Variants in ERCC6 observed in about 807,000 individuals in gnomAD.
ERCC6 encodes the protein DNA excision repair protein ERCC-6.
ERCC6 carries 116 observed loss-of-function variants against 158.7 expected under a neutral mutation model. That is an observed-to-expected ratio of 0.73 (90% CI 0.63 to 0.85). The LOEUF is 0.85. Ranked by LOEUF, ERCC6 falls within the 40% of genes least tolerant of loss-of-function variation. The probability of loss-of-function intolerance (pLI) is 0.00; values close to 1 mark genes in which losing one functional copy is unlikely to be tolerated. For missense variants in ERCC6, 1,698 were observed against 1,799.4 expected (o/e 0.94, Z 1.02); for synonymous variants, 678 against 659.3 (o/e 1.03, Z -0.43).
chr10:49,535,757 G>A (rs1048976785), intron 1 of ERCC6, among the ~76,000 whole-genome samples: 1 of 152,134 alleles, frequency 6.6e-6, no homozygotes, highest in Non-Finnish European at 1.5e-5. Context: ...AATAAAAAAG[G>A]AGGAAGAGCG....
At chr10:49,537,333 AC>A (rs1837621479) in intron 1 of ERCC6, among the ~76,000 whole-genome samples, 2 of 134,532 alleles carry the variant, frequency 1.5e-5, no homozygotes. Flanking sequence ...ACAGGGCAAG[AC>A]TCCGTCTCAA....
Position 49,473,557 on chromosome 10 carries a change from C to A in ERCC6, c.2629G>T (p.Ala877Ser), listed in dbSNP as rs1420639024. The A allele has an allele frequency of 1.2e-6, 2 of 1,612,386 alleles. No individual in the cohort carries two copies. Among genetic ancestry groups the A allele is most frequent in the South Asian group, 1.1e-5 (1 of 91,048 alleles). ...MLDILEVFLR[A>S]QKYTYLKMDG... ...ATCTTGAGATAGGTATACTTTTGGG[C>A]TCTAAGGAATACTTCAAGTATGTCC... The change falls in exon 14 of 21, where the codon GCC becomes TCC. Residue 877 changes from alanine (A) to serine (S), a missense_variant. Physicochemically the swap from Ala to Ser is moderately conservative, Grantham distance 99. Coordinates refer to ENST00000355832, the MANE Select transcript of ERCC6 (RefSeq NM_000124.4).
At chr10:49,504,362 T>G (rs1021832144) in intron 6 of ERCC6, 10 of 152,172 alleles carry the variant, frequency 6.6e-5, no homozygotes, top group African/African-American at 2.4e-4. Context: ...AAACGAATAT[T>G]ATTTATATTA....
At chr10:49,459,340 T>C (rs1850536684) in intron 20 of ERCC6, 106 bp from the exon 21 acceptor site, 2 of 1,252,644 alleles carry the variant, frequency 1.6e-6, no homozygotes, top group African/African-American at 3.0e-5. Context: ...TGTGCCAGGG[T>C]GGTGAGGTTG....
chr10:49,524,872 C>T, intron 4 of ERCC6, 95 bp from the exon 5 acceptor site: 1 of 1,551,544 alleles, frequency 6.4e-7, no homozygotes, highest in Non-Finnish European at 8.7e-7. Context: ...TAGGCAGCTA[C>T]AAATAACTCA....
intron 10 of ERCC6, among the ~76,000 whole-genome samples, chr10:49,480,724 A>C (rs574411264): frequency 6.6e-6 from 1 of 152,222 alleles, no homozygotes; most frequent in Non-Finnish European, 1.5e-5. Context: ...TAGTGGAACA[A>C]ACAGACAGCA....
chr10:49,531,563 C>A (rs1352540808), intron 2 of ERCC6, among the ~76,000 whole-genome samples: 1 of 152,162 alleles, frequency 6.6e-6, no homozygotes, highest in African/African-American at 2.4e-5. Context: ...CCACAACTCT[C>A]CTCTGTCACC....
chr10:49,498,497 C>T (rs901536798), intron 7 of ERCC6, among the ~76,000 whole-genome samples: 39 of 152,020 alleles, frequency 2.6e-4, no homozygotes, highest in South Asian at 2.3e-3. Context: ...TACATATGAG[C>T]GGGGGGGACC....
intron 5 of ERCC6, 74 bp from the exon 6 acceptor site, chr10:49,506,086 T>C (rs1851438355): frequency 2.5e-6 from 4 of 1,583,212 alleles, no homozygotes; most frequent in Non-Finnish European, 3.4e-6. Flanking sequence ...CTCCTGATAA[T>C]GTACAAGAAA....
intron 5 of ERCC6, chr10:49,516,908 A>G: frequency 6.2e-7 from 1 of 1,614,162 alleles, no homozygotes; most frequent in Non-Finnish European, 8.5e-7. Flanking sequence ...ACTCAGCATC[A>G]GAGCCATCTT....
chr10:49,461,380 C>T lies in ERCC6; in HGVS notation c.3955G>A (p.Gly1319Arg), dbSNP rs375358678. The T allele has an allele frequency of 3.1e-6, 5 of 1,613,636 alleles. No homozygotes were observed. The highest frequency in any genetic ancestry group is 2.7e-5 in the African/African-American group (2 of 74,916). ...SGVPTWTGHR[G>R]ISGAPAGKKS... is the part of the protein sequence containing the mutation. ...TTTCCTGCTGGTGCACCAGAAATCC[C>T]CCTGTGGCCAGTCCAGGTGGGAACA... The change falls in exon 19 of 21, where the codon GGG (glycine) becomes AGG (arginine). Residue 1319 changes from glycine (G) to arginine (R), a missense_variant. Coordinates refer to ENST00000355832, the MANE Select transcript of ERCC6 (RefSeq NM_000124.4).
intron 6 of ERCC6, chr10:49,501,467 CT>C (rs1851353786): frequency 2.0e-5 from 3 of 152,028 alleles, no homozygotes; most frequent in African/African-American, 7.2e-5. Context: ...ACCTTAACCC[CT>C]CCCCCTGCAA....
rs544155912 is a variant in ERCC6 at position 49,490,934 on chromosome 10, T to C, written c.1821+2183A>G. Among the ~76,000 whole-genome samples, 7 of 152,316 alleles carry C rather than the reference T, an allele frequency of 4.6e-5. No individual in the cohort carries two copies. In the South Asian group the frequency reaches 1.4e-3, roughly 32 times the overall value. On this transcript the variant is annotated intron_variant, in intron 8 of 20. Transcript: ENST00000355832. Reference sequence around the variant, plus strand: ...GGAAGTCAGGCATTAGACGCTGAGTTAGAGGACGAATCACCACAAACAGAA... The same window carrying C: ...GGAAGTCAGGCATTAGACGCTGAGTCAGAGGACGAATCACCACAAACAGAA...
In ERCC6 at chr10:49,455,287, A is replaced by G. The variant is rs1850467137; in HGVS notation, c.*3528T>C. 1 of 152,220 alleles carries G rather than the reference A, an allele frequency of 6.6e-6. No individual in the cohort carries two copies. Among genetic ancestry groups the G allele is most frequent in the Non-Finnish European group, 1.5e-5 (1 of 68,040 alleles). 9.4% of individuals were successfully genotyped at this position (152,220 alleles called of 1,614,324 possible). ...ACTTTAATAAAATGAGGCCTATCATAACACTAATCAGAAACATTATATTAA... is the reference window on the plus strand; with the variant it reads ...ACTTTAATAAAATGAGGCCTATCATGACACTAATCAGAAACATTATATTAA... On this transcript the variant is annotated 3_prime_UTR_variant, in exon 21 of 21. Transcript: ENST00000355832.
intron 5 of ERCC6, chr10:49,516,700 T>C (rs1590458236): frequency 1.2e-6 from 2 of 1,614,192 alleles, no homozygotes; most frequent in Non-Finnish European, 1.7e-6. Flanking sequence ...GGAGTTCTCA[T>C]TACGGTGAAG....
chr10:49,485,102 A>G (rs940222837), intron 8 of ERCC6, among the ~76,000 whole-genome samples: 1 of 152,222 alleles, frequency 6.6e-6, no homozygotes, highest in African/African-American at 2.4e-5. Flanking sequence ...GAAGGCATGC[A>G]CAAATGCCAT....
intron 5 of ERCC6, among the ~76,000 whole-genome samples, chr10:49,520,929 G>T (rs969555934): frequency 6.6e-6 from 1 of 152,172 alleles, no homozygotes; most frequent in Non-Finnish European, 1.5e-5. Context: ...GCGTAACATT[G>T]TTAATTTGGA....
chr10:49,444,233 C>A, the ERCC6 span, among the ~76,000 whole-genome samples: 2 of 152,174 alleles, frequency 1.3e-5, no homozygotes, highest in African/African-American at 4.8e-5. Context: ...TGGAATTCAC[C>A]AGGAGAAATG....
chr10:49,478,265 G>T, intron 11 of ERCC6, 89 bp downstream of exon 11: 1 of 958,476 alleles, frequency 1.0e-6, no homozygotes, highest in Non-Finnish European at 1.7e-6. Flanking sequence ...TACCTCACCA[G>T]ACTCTCTCAT....
Sources: gnomAD v4.1 joint callset for allele counts (sites outside exome capture counted in the v4.1 genomes callset) on GRCh38, gnomAD v4.1.1 for gene constraint, MANE v1.5 for transcripts, NCBI Gene and HGNC (gene_info 2026-07-23, HGNC 2026-07-21) for gene names.